PIP4K2A: variants seen among roughly 807,000 people sequenced by gnomAD.
The protein encoded by PIP4K2A is phosphatidylinositol-5-phosphate 4-kinase type 2 alpha, also known as phosphatidylinositol 5-phosphate 4-kinase type-2 alpha.
A neutral mutation model predicts 42.9 loss-of-function variants in PIP4K2A; 14 were observed. The ratio of observed to expected loss-of-function variants is 0.33; its 90% CI spans 0.22 to 0.51. PIP4K2A has a LOEUF of 0.51. PIP4K2A is among the 20% of genes least tolerant of loss of function. PIP4K2A has a pLI of 0.97. For synonymous variants in PIP4K2A, 192 were observed against 192.2 expected (o/e 1.00, Z 0.01); for missense variants, 434 against 519.8 (o/e 0.83, Z 1.61).
intron 1 of PIP4K2A, among the ~76,000 whole-genome samples, chr10:22,650,932 G>A (rs1171489): frequency 0.25 from 37,576 of 151,742 alleles, 4,980 homozygotes; most frequent in Non-Finnish European, 0.3. Context: ...CTCAGGCCAC[G>A]GCCTCTCAAG....
intron 6 of PIP4K2A, among the ~76,000 whole-genome samples, chr10:22,562,481 G>A (rs1383031345): frequency 6.6e-6 from 1 of 152,152 alleles, no homozygotes; most frequent in Non-Finnish European, 1.5e-5. Context: ...CCCAGGAGGC[G>A]GAGCTTGCAG....
At chr10:22,575,691 G>A (rs1273482582) in intron 4 of PIP4K2A, among the ~76,000 whole-genome samples, 5 of 152,074 alleles carry the variant, frequency 3.3e-5, no homozygotes. Flanking sequence ...TGTAATCCCA[G>A]CACTTTTGGA....
chr10:22,583,485 G>T (rs898572211), intron 4 of PIP4K2A, among the ~76,000 whole-genome samples: 1 of 152,206 alleles, frequency 6.6e-6, no homozygotes, highest in Non-Finnish European at 1.5e-5. Context: ...CCAAGCCAAG[G>T]TGTTGGAGGT....
chr10:22,652,064 C>T (rs1316619468), intron 1 of PIP4K2A, among the ~76,000 whole-genome samples: 2 of 152,086 alleles, frequency 1.3e-5, no homozygotes, highest in African/African-American at 4.8e-5. Flanking sequence ...TGATACAGTG[C>T]TTAATTTGTG....
chr10:22,713,335 G>A (rs926793522), intron 1 of PIP4K2A, among the ~76,000 whole-genome samples: 8 of 152,050 alleles, frequency 5.3e-5, no homozygotes, highest in African/African-American at 1.7e-4. Context: ...CCCACAGCGG[G>A]TGCGGCCAAC....
chr10:22,537,380 A>G lies in PIP4K2A; in HGVS notation c.1141-99T>C, dbSNP rs2130731881. ...GCTATTTCCAATGGCAACTGAATAT[A>G]CAGCAAGCAATTTTCAAATCCATGC... On this transcript the variant is annotated intron_variant, in intron 9 of 9. Transcript: ENST00000376573. The G allele has an allele frequency of 5.7e-6, 5 of 880,534 alleles. No individual in the cohort carries two copies. The South Asian group carries it at 6.1e-5, about 11-fold the overall frequency. The allele number at this position is 880,534 out of a possible 1,614,324, so 54.5% of individuals were successfully genotyped here.
chr10:22,618,798 A>G (rs1453806839), intron 1 of PIP4K2A, among the ~76,000 whole-genome samples: 3 of 152,194 alleles, frequency 2.0e-5, no homozygotes, highest in Non-Finnish European at 2.9e-5. Flanking sequence ...TACCCACATT[A>G]GGTGCAATAC....
intron 2 of PIP4K2A, among the ~76,000 whole-genome samples, chr10:22,608,731 G>C (rs1837964123): frequency 6.6e-6 from 1 of 152,120 alleles, no homozygotes; most frequent in Admixed American, 6.5e-5. Flanking sequence ...TAAAAAATCA[G>C]CTGGGCATGG....
intron 4 of PIP4K2A, among the ~76,000 whole-genome samples, chr10:22,574,986 C>T (rs796330597): frequency 8.5e-5 from 13 of 152,136 alleles, no homozygotes; most frequent in African/African-American, 1.4e-4. Context: ...CGTAGGTTTG[C>T]GAGCCAGAAA....
chr10:22,539,069 G>A (rs1325214878), intron 9 of PIP4K2A, among the ~76,000 whole-genome samples: 1 of 152,112 alleles, frequency 6.6e-6, no homozygotes, highest in Admixed American at 6.5e-5. Flanking sequence ...TGGCTTTCAG[G>A]ACCTCTGCAA....
intron 1 of PIP4K2A, among the ~76,000 whole-genome samples, chr10:22,703,413 A>T (rs1039517373): frequency 2.6e-5 from 4 of 152,168 alleles, no homozygotes; most frequent in African/African-American, 9.7e-5. Flanking sequence ...TGTCTCAAAT[A>T]AAAAAATAAA....
At chr10:22,698,333 C>T (rs899063221) in intron 1 of PIP4K2A, among the ~76,000 whole-genome samples, 3 of 152,314 alleles carry the variant, frequency 2.0e-5, no homozygotes, top group African/African-American at 7.2e-5. Context: ...TGTGGGAAAG[C>T]AGCTCTTAGC....
intron 1 of PIP4K2A, among the ~76,000 whole-genome samples, chr10:22,615,282 T>A (rs1199570675): frequency 1.3e-5 from 2 of 152,166 alleles, no homozygotes; most frequent in Non-Finnish European, 2.9e-5. Flanking sequence ...ATTTTAAAAA[T>A]TTTTTTGTGG....
At chr10:22,653,979 G>A (rs1196310290) in intron 1 of PIP4K2A, among the ~76,000 whole-genome samples, 1 of 152,204 alleles carries the variant, frequency 6.6e-6, no homozygotes, top group African/African-American at 2.4e-5. Flanking sequence ...GAAAACAGCT[G>A]CTGTCTCTGA....
At chr10:22,579,060 T>C (rs952403347) in intron 4 of PIP4K2A, among the ~76,000 whole-genome samples, 1 of 151,992 alleles carries the variant, frequency 6.6e-6, no homozygotes, top group African/African-American at 2.4e-5. Flanking sequence ...TGAAGAACTT[T>C]ACACAATAAG....
At chr10:22,684,494 T>C (rs576606182) in intron 1 of PIP4K2A, among the ~76,000 whole-genome samples, 4 of 152,334 alleles carry the variant, frequency 2.6e-5, no homozygotes, top group South Asian at 2.1e-4. Context: ...CTGTTTCTTA[T>C]ACATATATGT....
chr10:22,573,362 T>C lies in PIP4K2A; in HGVS notation c.588A>G (p.Thr196=). 2 of 1,613,738 alleles carry C rather than the reference T, an allele frequency of 1.2e-6. No homozygotes were observed. Among genetic ancestry groups the C allele is most frequent in the Non-Finnish European group, 1.7e-6 (2 of 1,179,626 alleles). The change falls in exon 5 of 10, where the codon ACA becomes ACG. Residue 196 remains threonine, a synonymous_variant. Transcript: ENST00000376573. The part of the protein sequence containing the change: ...VDGVEIYVIV[T]RNVFSHRLSV... ...ACAAACGGTGGCTGAATACATTTCT[T>C]GTAACTATCACATATATTTCAACTC...
At chr10:22,543,629 T>G (rs1836184325) in intron 7 of PIP4K2A, among the ~76,000 whole-genome samples, 1 of 152,198 alleles carries the variant, frequency 6.6e-6, no homozygotes, top group African/African-American at 2.4e-5. Flanking sequence ...CAGATTCCTT[T>G]CCAGCAGTCA....
intron 1 of PIP4K2A, among the ~76,000 whole-genome samples, chr10:22,664,064 T>TATATATATATACATATGTATATATAC (rs1564459758): frequency 1.3e-5 from 1 of 77,802 alleles, no homozygotes; most frequent in Non-Finnish European, 2.2e-5. Flanking sequence ...TATATATACA[T>TATATATATATACATATGTATATATAC]ATATATATAT....
Sources: allele counts gnomAD v4.1 joint callset (sites outside exome capture counted in the v4.1 genomes callset), GRCh38; gene constraint gnomAD v4.1.1; transcripts MANE v1.5; gene names NCBI Gene and HGNC (gene_info 2026-07-23, HGNC 2026-07-21).